The following SLC2A8 variants were observed in gnomAD, a reference collection of about 807,000 sequenced individuals.
The protein encoded by SLC2A8 is solute carrier family 2 member 8, also known as solute carrier family 2, facilitated glucose transporter member 8.
In SLC2A8, 53 loss-of-function variants were observed where a neutral mutation model predicts 49.2. The ratio of observed to expected loss-of-function variants is 1.08; its 90% CI spans 0.86 to 1.35. The LOEUF (loss-of-function observed/expected upper bound fraction) is 1.35. Among genes scored for constraint, SLC2A8 ranks in the 40% most tolerant of loss-of-function variants. The pLI, the probability that SLC2A8 is intolerant of heterozygous loss-of-function variation, is 0.00. For missense variants in SLC2A8, 688 were observed against 671.7 expected (o/e 1.02, Z -0.27); for synonymous variants, 299 against 297.0 (o/e 1.01, Z -0.07).
At chr9:127,404,177 G>A in intron 7 of SLC2A8, 110 bp downstream of exon 7, 1 of 727,830 alleles carries the variant, frequency 1.4e-6, no homozygotes, top group Non-Finnish European at 2.3e-6. Context: ...AAACATCATG[G>A]ACTAATGCGG....
Position 127,398,068 on chromosome 9 carries a change from T to G in SLC2A8, c.383T>G (p.Leu128Arg). The G allele has an allele frequency of 1.3e-6, 2 of 1,589,370 alleles. No individual in the cohort carries two copies. The highest frequency in any genetic ancestry group is 1.7e-6 in the Non-Finnish European group (2 of 1,173,770). Reference sequence around the variant, plus strand: ...GTGTGGATGCTGCTGGGGGGCCGCCTCCTCACCGGCCTGGCCTGCGGTGTT... The same window carrying G: ...GTGTGGATGCTGCTGGGGGGCCGCCGCCTCACCGGCCTGGCCTGCGGTGTT... ...QDVWMLLGGRLLTGLACGVAS... is the reference protein window; with the variant it reads ...QDVWMLLGGRRLTGLACGVAS... Residue 128 changes from leucine (L) to arginine (R), a missense_variant, in exon 3 of 10, where the codon CTC becomes CGC. By Grantham distance (102) the Leu-to-Arg change is moderately radical. Coordinates refer to ENST00000373371, the MANE Select transcript of SLC2A8 (RefSeq NM_014580.5).
In SLC2A8 at chr9:127,405,458, A is replaced by G. The variant is rs1833459572; in HGVS notation, c.1189A>G (p.Met397Val). ...VGWGPIPWLL[M>V]SEIFPLHVKG... The stretch of plus-strand genomic sequence containing the variant: ...CTGGGGGCCCATCCCCTGGCTCCTC[A>G]TGTCAGAGATCTTCCCTCTGCATGT... Residue 397 changes from methionine (M) to valine (V), a missense_variant, in exon 9 of 10, where the codon ATG becomes GTG. Transcript: ENST00000373371. 1.2e-6 allele frequency: 2 copies of G among 1,612,924 alleles called. No homozygotes were observed. Among genetic ancestry groups the G allele is most frequent in the East Asian group, 4.5e-5 (2 of 44,864 alleles).
intron 4 of SLC2A8, among the ~76,000 whole-genome samples, chr9:127,400,508 C>A (rs1013370051): frequency 6.6e-6 from 1 of 152,070 alleles, no homozygotes; most frequent in African/African-American, 2.4e-5. Context: ...GAAGGTGATA[C>A]CCTCAGCTTT....
intron 9 of SLC2A8, among the ~76,000 whole-genome samples, chr9:127,406,831 C>A (rs1364801530): frequency 1.3e-5 from 2 of 152,200 alleles, no homozygotes; most frequent in Non-Finnish European, 2.9e-5. Context: ...CACTGGATAG[C>A]GGGTCTCTGG....
rs974646624 is a variant in SLC2A8 at position 127,397,898 on chromosome 9, C to T, written c.220-7C>T. ...GCGCCCCCTCCTCAGCAGCCGCCCG[C>T]CTCCAGGCTGTCGTGACCCTGGGTG... On this transcript the variant is annotated splice_region_variant and splice_polypyrimidine_tract_variant and intron_variant, in intron 2 of 9. Transcript: ENST00000373371. 8.0e-6 allele frequency: 12 copies of T among 1,505,320 alleles called. No homozygotes were observed. Among genetic ancestry groups the T allele is most frequent in the Non-Finnish European group, 1.1e-5 (12 of 1,134,100 alleles). 93.2% of individuals were successfully genotyped at this position (1,505,320 alleles called of 1,614,324 possible).
intron 4 of SLC2A8, among the ~76,000 whole-genome samples, 160 bp downstream of exon 4, chr9:127,400,166 C>CTTTTTTTTTTTTTTT (rs796202714): frequency 0.011 from 1,239 of 116,636 alleles, 95 homozygotes; most frequent in South Asian, 0.024. Flanking sequence ...ATAGGTGAGT[C>CTTTTTTTTTTTTTTT]TTTTTTTTTT....
chr9:127,403,812 G>A lies in SLC2A8; in HGVS notation c.867+9G>A, dbSNP rs762562899. 6.2e-7 allele frequency: 1 copy of A among 1,610,814 alleles called. No homozygotes were observed. The highest frequency in any genetic ancestry group is 8.5e-7 in the Non-Finnish European group (1 of 1,178,432). On this transcript the variant is annotated intron_variant, in intron 6 of 9. Coordinates refer to ENST00000373371, the MANE Select transcript of SLC2A8 (RefSeq NM_014580.5). ...AAGAGGCCAAGTTCAAGGTAAAAGG[G>A]CCCTGCCTGGCCTGCCTCGTCCAGC...
chr9:127,399,665 T>G lies in SLC2A8; in HGVS notation c.427-242T>G, dbSNP rs1833196497. 6.6e-6 allele frequency among the ~76,000 whole-genome samples: 1 copy of G among 150,858 alleles called. No individual in the cohort carries two copies. The highest frequency in any genetic ancestry group is 1.5e-5 in the Non-Finnish European group (1 of 67,692). On this transcript the variant is annotated intron_variant, in intron 3 of 9. Transcript: ENST00000373371. The surrounding 1 kb of genome is among the most constrained non-coding windows in gnomAD (Gnocchi z 4.2). ...GGTGGGATCTTGGCTCACCGCAACC[T>G]CCACCTCCAGGGTTCAAGTGATTCT...
At chr9:127,406,879 T>G (rs978641373) in intron 9 of SLC2A8, among the ~76,000 whole-genome samples, 3 of 152,202 alleles carry the variant, frequency 2.0e-5, no homozygotes, top group Non-Finnish European at 4.4e-5. Context: ...AGCCTCAGTT[T>G]CCCCAGCCAT....
intron 9 of SLC2A8, among the ~76,000 whole-genome samples, chr9:127,406,715 C>T (rs1172161294): frequency 6.6e-6 from 1 of 152,186 alleles, no homozygotes; most frequent in African/African-American, 2.4e-5. Flanking sequence ...CCATTTCCAC[C>T]ACACTATGAA....
At position 127,397,409 on chromosome 9, in the gene SLC2A8, C is replaced by T; in HGVS notation, c.90C>T (p.Ala30=). 6 of 1,476,084 alleles carry T rather than the reference C, an allele frequency of 4.1e-6. No individual in the cohort carries two copies. Among genetic ancestry groups the T allele is most frequent in the Non-Finnish European group, 3.6e-6 (4 of 1,121,948 alleles). The allele number at this position is 1,476,084 out of a possible 1,614,324, so 91.4% of individuals were successfully genotyped here. Residue 30 remains alanine (A), a synonymous_variant, in exon 2 of 10, where the codon GCC becomes GCT. Transcript: ENST00000373371. ...APRGRRVFLA[A]FAAALGPLSF... Reference sequence around the variant, plus strand: ...GCGGCCGCCGCGTCTTCCTCGCCGCCTTCGCCGCTGCCCTGGGCCCACTCA... The same window carrying T: ...GCGGCCGCCGCGTCTTCCTCGCCGCTTTCGCCGCTGCCCTGGGCCCACTCA...
Position 127,405,508 on chromosome 9 carries a change from C to G in SLC2A8, c.1239C>G (p.Cys413Trp), listed in dbSNP as rs115668237. The change falls in exon 9 of 10, where the codon TGC (cysteine) becomes TGG (tryptophan). Residue 413 changes from cysteine to tryptophan, a missense_variant. By Grantham distance (215) the Cys-to-Trp change is radical. Coordinates refer to ENST00000373371, the MANE Select transcript of SLC2A8 (RefSeq NM_014580.5). ...LHVKGVATGI[C>W]VLTNWLMAFL... Reference sequence around the variant, plus strand: ...TCAAGGGCGTGGCGACAGGCATCTGCGTCCTCACCAACTGGCTCATGGCCT... The same window carrying G: ...TCAAGGGCGTGGCGACAGGCATCTGGGTCCTCACCAACTGGCTCATGGCCT... 1,051 of 1,613,210 alleles carry G rather than the reference C, an allele frequency of 6.5e-4. 6 individuals carry two copies. The African/African-American group carries it at 0.012, about 18-fold the overall frequency.
chr9:127,405,590 G>A (rs181298192), intron 9 of SLC2A8, 25 bp downstream of exon 9: 81 of 1,612,158 alleles, frequency 5.0e-5, no homozygotes, highest in East Asian at 4.5e-4. Flanking sequence ...CACCAGCACC[G>A]CGTTCGTGCA....
In SLC2A8 at chr9:127,405,583, C is replaced by T. The variant is rs1253197941; in HGVS notation, c.1296+18C>T. On this transcript the variant is annotated intron_variant, in intron 9 of 9. Transcript: ENST00000373371. ...GCCTCATGGTGAGGGCAGGCTCCACCAGCACCGCGTTCGTGCAGTCAGCCG... is the reference window on the plus strand; with the variant it reads ...GCCTCATGGTGAGGGCAGGCTCCACTAGCACCGCGTTCGTGCAGTCAGCCG... The T allele has an allele frequency of 5.0e-6, 8 of 1,612,596 alleles. No individual in the cohort carries two copies. Among genetic ancestry groups the T allele is most frequent in the Middle Eastern group, 1.6e-4 (1 of 6,062 alleles).
At chr9:127,404,108 G>A (rs777408907) in intron 7 of SLC2A8, 41 bp downstream of exon 7, 13 of 1,451,806 alleles carry the variant, frequency 9.0e-6, no homozygotes, top group Non-Finnish European at 1.2e-5. Flanking sequence ...CCATGCGGGG[G>A]AGGGCCTTCG....
intron 5 of SLC2A8, chr9:127,403,432 G>A (rs1833367619): frequency 3.4e-6 from 2 of 585,562 alleles, no homozygotes; most frequent in Non-Finnish European, 6.1e-6. Flanking sequence ...CCTCTTTGTG[G>A]CTCCCCCCCA....
chr9:127,405,616 C>T (rs1235452331), intron 9 of SLC2A8, 51 bp downstream of exon 9: 3 of 1,605,312 alleles, frequency 1.9e-6, no homozygotes, highest in Non-Finnish European at 1.7e-6. Flanking sequence ...CCGAGAAGCA[C>T]TTTCTAAAAC....
At position 127,407,594 on chromosome 9, in the gene SLC2A8, C is replaced by T. The variant is rs973169324; in HGVS notation, c.*345C>T. ...TTTTGGAGGTTGGGTGCTGGGCATT[C>T]AGTCGCTCCTCTCACGCGGCTGCCT... is the stretch of plus-strand genomic sequence containing the variant. On this transcript the variant is annotated 3_prime_UTR_variant, in exon 10 of 10. Transcript: ENST00000373371. 4.9e-6 allele frequency: 2 copies of T among 410,208 alleles called. No homozygotes were observed. The highest frequency in any genetic ancestry group is 9.9e-6 in the Non-Finnish European group (2 of 202,136). The allele number at this position is 410,208 out of a possible 1,614,324, so 25.4% of individuals were successfully genotyped here.
intron 2 of SLC2A8, among the ~76,000 whole-genome samples, 153 bp from the exon 3 acceptor site, chr9:127,397,751 CG>C (rs1479338816): frequency 2.0e-5 from 3 of 152,158 alleles, no homozygotes; most frequent in African/African-American, 7.2e-5. Flanking sequence ...CCCCTCCCCT[CG>C]GGACGAGCAC....
Sources: gnomAD v4.1 joint callset for allele counts (sites outside exome capture counted in the v4.1 genomes callset) on GRCh38, gnomAD v4.1.1 for gene constraint, Gnocchi (gnomAD v3.1) non-coding constraint, MANE v1.5 for transcripts, NCBI Gene and HGNC (gene_info 2026-07-23, HGNC 2026-07-21) for gene names.